Variants in AVEN observed in about 807,000 individuals in gnomAD.
The protein encoded by AVEN is apoptosis and caspase activation inhibitor.
AVEN carries 41 observed loss-of-function variants against 38.1 expected under a neutral mutation model. The ratio of observed to expected loss-of-function variants is 1.08; its 90% CI spans 0.84 to 1.40. The LOEUF is 1.40. Ranked by LOEUF, AVEN falls within the 40% of genes most tolerant of loss-of-function variation. The probability of loss-of-function intolerance (pLI) is 0.00; values close to 1 mark genes in which losing one functional copy is unlikely to be tolerated. For missense variants in AVEN, 605 were observed against 438.8 expected, an observed-to-expected ratio of 1.38 and a Z score of -3.38; for synonymous variants, 206 against 171.8, an observed-to-expected ratio of 1.20 and a Z score of -1.56.
At position 33,894,341 on chromosome 15, in the gene AVEN, G is replaced by A. The variant is rs138342652; in HGVS notation, c.446-18346C>T. Among the ~76,000 whole-genome samples the A allele has an allele frequency of 5.3e-5, 8 of 152,016 alleles. No homozygotes were observed. The East Asian group carries it at 1.4e-3, about 26-fold the overall frequency. On this transcript the variant is annotated intron_variant, in intron 2 of 5. Coordinates refer to ENST00000306730, the MANE Select transcript of AVEN (RefSeq NM_020371.3). The stretch of plus-strand genomic sequence containing the variant: ...TCTGCCCAATCTCCAGAAAGAACAC[G>A]CACTGGATACTGCAGCTACATAACA...
intron 2 of AVEN, among the ~76,000 whole-genome samples, chr15:33,884,815 TATGTGAAGAGTGA>T (rs1891638870): frequency 6.6e-6 from 1 of 152,198 alleles, no homozygotes; most frequent in Non-Finnish European, 1.5e-5. Context: ...AGATCAGGCA[TATGTGAAGAGTGA>T]ATGTGAAAGA....
intron 2 of AVEN, among the ~76,000 whole-genome samples, chr15:33,963,246 G>GTTAATCAGAA (rs1567436423): frequency 6.6e-6 from 1 of 152,154 alleles, no homozygotes; most frequent in Non-Finnish European, 1.5e-5. Context: ...CTTTGCATGG[G>GTTAATCAGAA]TTAATCAGAA....
chr15:34,034,782 G>A (rs1379492928), intron 1 of AVEN, among the ~76,000 whole-genome samples: 1 of 152,180 alleles, frequency 6.6e-6, no homozygotes, highest in Non-Finnish European at 1.5e-5. Flanking sequence ...TGCAGCAGGA[G>A]GAGAGGTCAA....
At chr15:33,997,342 C>T (rs966929076) in intron 2 of AVEN, among the ~76,000 whole-genome samples, 8 of 151,926 alleles carry the variant, frequency 5.3e-5, no homozygotes, top group African/African-American at 1.7e-4. Context: ...AACAAAATAG[C>T]CAAATGGTCA....
the AVEN span, chr15:33,852,396 A>C: frequency 6.6e-6 from 1 of 152,232 alleles, no homozygotes; most frequent in Non-Finnish European, 1.5e-5. Context: ...GAGAGAAGAA[A>C]GATCATCTCT....
intron 2 of AVEN, among the ~76,000 whole-genome samples, chr15:33,961,594 A>C (rs111749399): frequency 1.6e-4 from 25 of 151,716 alleles, no homozygotes; most frequent in Admixed American, 3.3e-4. Flanking sequence ...TGGGCGAATC[A>C]CGAGGTCAGG....
intron 2 of AVEN, among the ~76,000 whole-genome samples, chr15:33,985,300 C>T (rs936990569): frequency 3.3e-5 from 5 of 151,408 alleles, no homozygotes; most frequent in African/African-American, 9.7e-5. Context: ...TCATTGCCCC[C>T]GTCTCAGAGT....
chr15:33,952,814 C>A (rs1446296285), intron 2 of AVEN, among the ~76,000 whole-genome samples: 1 of 149,348 alleles, frequency 6.7e-6, no homozygotes, highest in African/African-American at 2.5e-5. Context: ...CCCAAAACAC[C>A]AAGTTGGACA....
At chr15:33,875,333 T>C (rs192717655) in intron 3 of AVEN, among the ~76,000 whole-genome samples, 1 of 152,176 alleles carries the variant, frequency 6.6e-6, no homozygotes, top group South Asian at 2.1e-4. Context: ...AGAATATCTG[T>C]CATCTCTTAT....
intron 2 of AVEN, among the ~76,000 whole-genome samples, chr15:33,904,218 G>C (rs1005390469): frequency 1.3e-5 from 2 of 152,262 alleles, no homozygotes; most frequent in East Asian, 3.9e-4. Context: ...CCAGGAATTT[G>C]AGACCTACCT....
rs141935856 is a variant in AVEN at position 34,030,527 on chromosome 15, T to C, written c.267+8253A>G. On this transcript the variant is annotated intron_variant, in intron 1 of 5. Transcript: ENST00000306730. ...CGCCCGGCTAATTTTTTTGTATTTT[T>C]AGTAGAGACAGGGTTTCATTGTGTT... is the stretch of plus-strand genomic sequence containing the variant. 3.7e-4 allele frequency among the ~76,000 whole-genome samples: 57 copies of C among 152,150 alleles called. No homozygotes were observed. The East Asian group carries it at 0.01, about 28-fold the overall frequency.
intron 2 of AVEN, among the ~76,000 whole-genome samples, chr15:33,898,245 A>G (rs910214936): frequency 5.9e-5 from 9 of 152,236 alleles, no homozygotes; most frequent in East Asian, 1.9e-4. Context: ...AATGATGAGT[A>G]AAAAACAGCC....
At chr15:33,973,548 T>C (rs567808548) in intron 2 of AVEN, among the ~76,000 whole-genome samples, 1 of 152,138 alleles carries the variant, frequency 6.6e-6, no homozygotes, top group Non-Finnish European at 1.5e-5. Flanking sequence ...CCTTGTTAGA[T>C]TCCATTGAAA....
intron 2 of AVEN, among the ~76,000 whole-genome samples, chr15:33,937,973 A>G (rs1010234342): frequency 6.7e-6 from 1 of 150,048 alleles, no homozygotes; most frequent in Admixed American, 6.6e-5. Flanking sequence ...GAGAAAAAGA[A>G]TTCCAATTAA....
chr15:33,983,183 C>CGTGTGTGT (rs536612414), intron 2 of AVEN, among the ~76,000 whole-genome samples: 1 of 96,830 alleles, frequency 1.0e-5, no homozygotes, highest in Non-Finnish European at 2.1e-5. Context: ...TATATACACA[C>CGTGTGTGT]GTGTGTGTAT....
intron 2 of AVEN, among the ~76,000 whole-genome samples, chr15:33,988,193 G>A (rs1359529013): frequency 6.6e-6 from 1 of 151,960 alleles, no homozygotes; most frequent in Non-Finnish European, 1.5e-5. Flanking sequence ...TTCTTTTTTT[G>A]CAGAAACAAA....
At chr15:34,032,729 T>TA (rs1255143629) in intron 1 of AVEN, among the ~76,000 whole-genome samples, 1 of 152,196 alleles carries the variant, frequency 6.6e-6, no homozygotes, top group African/African-American at 2.4e-5. Context: ...CAGTCTACCC[T>TA]AGAAGGCACC....
intron 1 of AVEN, among the ~76,000 whole-genome samples, chr15:34,031,421 T>C (rs1189024453): frequency 1.3e-5 from 2 of 151,990 alleles, no homozygotes; most frequent in East Asian, 1.9e-4. Context: ...GTGATCTGCC[T>C]GCCTCAGCCT....
intron 2 of AVEN, among the ~76,000 whole-genome samples, chr15:33,884,761 T>G (rs1239060531): frequency 6.6e-6 from 1 of 152,208 alleles, no homozygotes; most frequent in African/African-American, 2.4e-5. Flanking sequence ...CAATCTTTAC[T>G]CAGGCAGAAG....
Sources: allele counts gnomAD v4.1 joint callset (sites outside exome capture counted in the v4.1 genomes callset), GRCh38; gene constraint gnomAD v4.1.1; transcripts MANE v1.5; gene names NCBI Gene and HGNC (gene_info 2026-07-23, HGNC 2026-07-21).